The following PCSK6 variants were observed in gnomAD, a reference collection of about 807,000 sequenced individuals.
PCSK6 encodes the protein proprotein convertase subtilisin/kexin type 6.
Under a neutral mutation model 123.3 loss-of-function variants are expected in PCSK6, and 85 were observed. That is an observed-to-expected ratio of 0.69 (90% confidence interval 0.58 to 0.83). PCSK6 has a LOEUF of 0.83. PCSK6 is among the 40% of genes least tolerant of loss of function. The probability of loss-of-function intolerance (pLI) is 0.00; values close to 1 mark genes in which losing one functional copy is unlikely to be tolerated. For synonymous variants in PCSK6, 508 were observed against 516.0 expected (o/e 0.98, Z 0.21); for missense variants, 1,191 against 1,282.3 (o/e 0.93, Z 1.09).
chr15:101,307,190 A>G (rs1243428754), intron 21 of PCSK6, 23 bp downstream of exon 21: 3 of 1,566,946 alleles, frequency 1.9e-6, no homozygotes, highest in East Asian at 2.2e-5. Flanking sequence ...AGGCAGCCCC[A>G]GGGTAACCCA....
In PCSK6 at chr15:101,371,697, CGCCTCTGCCTCCAGGCCTCACT is replaced by C. The variant is rs879725298; in HGVS notation, c.1533-1196_1533-1175del. Among the ~76,000 whole-genome samples, 356 of 152,310 alleles carry C rather than the reference CGCCTCTGCCTCCAGGCCTCACT, an allele frequency of 2.3e-3. 1 individual carries two copies. Among genetic ancestry groups the C allele is most frequent in the Non-Finnish European group, 3.2e-3 (219 of 68,026 alleles). On this transcript the variant is annotated intron_variant, in intron 11 of 21. Transcript: ENST00000611716. ...CTGGGATTTGGGGCCCCAGAGCCCACGCCTCTGCCTCCAGGCCTCACTGCCTCCGCCTCCAGGCCTCGCTGCC... is the reference window on the plus strand; with the variant it reads ...CTGGGATTTGGGGCCCCAGAGCCCACGCCTCCGCCTCCAGGCCTCGCTGCC...
intron 6 of PCSK6, among the ~76,000 whole-genome samples, chr15:101,421,837 G>GT (rs553560075): frequency 5.6e-4 from 85 of 152,256 alleles, no homozygotes; most frequent in African/African-American, 1.8e-3. Flanking sequence ...CTGCCACTCA[G>GT]CAATAGATAA....
chr15:101,329,051 C>T (rs114717205), intron 15 of PCSK6, among the ~76,000 whole-genome samples: 3,069 of 152,310 alleles, frequency 0.02, 94 homozygotes, highest in African/African-American at 0.067. Context: ...CCAAGCCCCA[C>T]TGCCTTCTTG....
chr15:101,422,738 C>CA (rs1386876096), intron 6 of PCSK6, among the ~76,000 whole-genome samples: 1 of 152,084 alleles, frequency 6.6e-6, no homozygotes, highest in African/African-American at 2.4e-5. Flanking sequence ...TCTCCTGCCT[C>CA]AGCCTCCCAA....
In PCSK6 at chr15:101,412,691, TTATATATATA is replaced by T. The variant is rs149902723; in HGVS notation, c.824-14125_824-14116del. On this transcript the variant is annotated intron_variant, in intron 6 of 21. Transcript: ENST00000611716. ...ACAGAAGAAAGAGTGAACTGGAAAA[TTATATATATA>T]TATATATATATAAAATTACCCAATC... Among the ~76,000 whole-genome samples the T allele has an allele frequency of 7.2e-5, 9 of 124,744 alleles. 1 individual carries two copies. The highest frequency in any genetic ancestry group is 2.8e-4 in the African/African-American group (8 of 28,914). The allele number at this position is 124,744 out of a possible 152,430, so 81.8% of individuals were successfully genotyped here.
At chr15:101,378,693 C>G (rs143636272) in intron 11 of PCSK6, among the ~76,000 whole-genome samples, 135 of 152,320 alleles carry the variant, frequency 8.9e-4, no homozygotes, top group African/African-American at 3.2e-3. Flanking sequence ...TCCCCTCTTC[C>G]CTGATGTTCT....
In PCSK6 at chr15:101,360,046, G is replaced by A. The variant is rs151269823; in HGVS notation, c.1858+6150C>T. On this transcript the variant is annotated intron_variant, in intron 13 of 21. Coordinates refer to ENST00000611716, the MANE Select transcript of PCSK6 (RefSeq NM_002570.5). The stretch of plus-strand genomic sequence containing the variant: ...AACTAGGACTCCATTCTTCTACTGT[G>A]CAGGACAAAAACTCTGAAGTCATCC... Among the ~76,000 whole-genome samples the A allele has an allele frequency of 2.6e-3, 396 of 152,108 alleles. 2 individuals are homozygous for A. The highest frequency in any genetic ancestry group is 9.3e-3 in the African/African-American group (386 of 41,478).
At chr15:101,409,520 G>C (rs1272147995) in intron 6 of PCSK6, among the ~76,000 whole-genome samples, 2 of 150,564 alleles carry the variant, frequency 1.3e-5, no homozygotes, top group African/African-American at 4.9e-5. Flanking sequence ...GGGAGGCGGA[G>C]CTTGCAGTGA....
At chr15:101,371,935 C>T (rs1002155257) in intron 11 of PCSK6, among the ~76,000 whole-genome samples, 1 of 152,150 alleles carries the variant, frequency 6.6e-6, no homozygotes, top group Non-Finnish European at 1.5e-5. Flanking sequence ...GCAGCTTTAC[C>T]ATATGGGATG....
At chr15:101,405,441 T>C (rs1022568619) in intron 6 of PCSK6, among the ~76,000 whole-genome samples, 1 of 152,128 alleles carries the variant, frequency 6.6e-6, no homozygotes, top group South Asian at 2.1e-4. Context: ...GGAAGGAAGA[T>C]GGTTGCTTTG....
At chr15:101,378,808 C>T (rs1044667085) in intron 11 of PCSK6, among the ~76,000 whole-genome samples, 5 of 152,242 alleles carry the variant, frequency 3.3e-5, no homozygotes, top group Admixed American at 1.3e-4. Context: ...GAAATGCCAA[C>T]GTATCACTTG....
At chr15:101,368,703 C>T (rs193267107) in intron 12 of PCSK6, among the ~76,000 whole-genome samples, 7 of 152,288 alleles carry the variant, frequency 4.6e-5, no homozygotes, top group South Asian at 2.1e-4. Context: ...ACGGAGAGCC[C>T]GTTGCTGGCC....
At chr15:101,388,641 CCT>C (rs1211969674) in intron 9 of PCSK6, among the ~76,000 whole-genome samples, 1 of 152,182 alleles carries the variant, frequency 6.6e-6, no homozygotes, top group African/African-American at 2.4e-5. Context: ...CCAGCCAGCC[CCT>C]GTGTCCTACA....
intron 7 of PCSK6, among the ~76,000 whole-genome samples, chr15:101,394,457 A>C (rs959255421): frequency 2.6e-5 from 4 of 152,158 alleles, no homozygotes; most frequent in Admixed American, 6.5e-5. Flanking sequence ...TGGAAGACTG[A>C]ACTGACGGAT....
At chr15:101,418,068 TTAC>T (rs2055952422) in intron 6 of PCSK6, among the ~76,000 whole-genome samples, 2 of 152,152 alleles carry the variant, frequency 1.3e-5, no homozygotes, top group Non-Finnish European at 2.9e-5. Flanking sequence ...TACTTTTAAA[TTAC>T]GAGCATATGA....
chr15:101,447,816 C>T (rs2056930091), intron 1 of PCSK6, among the ~76,000 whole-genome samples: 1 of 152,244 alleles, frequency 6.6e-6, no homozygotes, highest in South Asian at 2.1e-4. Context: ...AGCTCATCGA[C>T]TACGCACCGC....
intron 6 of PCSK6, among the ~76,000 whole-genome samples, chr15:101,403,958 T>G (rs2042692805): frequency 6.6e-6 from 1 of 152,210 alleles, no homozygotes; most frequent in African/African-American, 2.4e-5. Flanking sequence ...TGACTTCAGG[T>G]GATCCGCCCA....
intron 6 of PCSK6, among the ~76,000 whole-genome samples, chr15:101,418,169 A>G (rs758315953): frequency 6.6e-6 from 1 of 152,218 alleles, no homozygotes; most frequent in Non-Finnish European, 1.5e-5. Flanking sequence ...TCAAGAAGAA[A>G]CAGAAAACCT....
chr15:101,455,563 A>C (rs1204569435), intron 1 of PCSK6, among the ~76,000 whole-genome samples: 1 of 152,204 alleles, frequency 6.6e-6, no homozygotes, highest in African/African-American at 2.4e-5. Flanking sequence ...GATGGCTTCA[A>C]AGGCCTGCTG....
Sources: allele counts gnomAD v4.1 joint callset (sites outside exome capture counted in the v4.1 genomes callset), GRCh38; gene constraint gnomAD v4.1.1; transcripts MANE v1.5; gene names NCBI Gene and HGNC (gene_info 2026-07-23, HGNC 2026-07-21).